The following UBR1 variants were observed in gnomAD, a reference collection of about 807,000 sequenced individuals.
UBR1 encodes the protein ubiquitin protein ligase E3 component n-recognin 1, also known as E3 ubiquitin-protein ligase UBR1.
A neutral mutation model predicts 242.1 loss-of-function variants in UBR1; 102 were observed. That is an observed-to-expected ratio of 0.42 (90% CI 0.36 to 0.50). The LOEUF (loss-of-function observed/expected upper bound fraction) is 0.50, where lower values mean the gene tolerates loss of function less well. Among genes scored for constraint, UBR1 ranks in the 20% least tolerant of loss-of-function variants. The probability of loss-of-function intolerance (pLI) is 0.01; values close to 1 mark genes in which losing one functional copy is unlikely to be tolerated. For synonymous variants in UBR1, 675 were observed against 684.8 expected (o/e 0.99, Z 0.22); for missense variants, 1,772 against 2,101.8 (o/e 0.84, Z 3.07).
chr15:43,056,303 GT>G (rs767205229), intron 11 of UBR1, 40 bp downstream of exon 11: 5 of 1,468,020 alleles, frequency 3.4e-6, no homozygotes, highest in Non-Finnish European at 3.8e-6. Context: ...AGCAAAACAA[GT>G]TTTACTTAGA....
chr15:43,008,774 C>A (rs920579576), intron 29 of UBR1, among the ~76,000 whole-genome samples: 2 of 152,202 alleles, frequency 1.3e-5, no homozygotes, highest in Non-Finnish European at 2.9e-5. Flanking sequence ...CAGCCAGACT[C>A]ACATGGAGAC....
Position 43,026,647 on chromosome 15 carries a change from C to T in UBR1, c.2449G>A (p.Gly817Ser), listed in dbSNP as rs1050248132. 6.2e-7 allele frequency: 1 copy of T among 1,612,618 alleles called. No homozygotes were observed. Among genetic ancestry groups the T allele is most frequent in the Non-Finnish European group, 8.5e-7 (1 of 1,179,594 alleles). The stretch of plus-strand genomic sequence containing the variant: ...TCTTTTAGTTCATAAACTCCATGGC[C>T]TGATACACCTGGTTTCCTAAATAGA... ...VATFKKPGVSGHGVYELKDES... is the reference protein window; with the variant it reads ...VATFKKPGVSSHGVYELKDES... The change falls in exon 23 of 47, where the codon GGC (glycine) becomes AGC (serine). Residue 817 changes from glycine (G) to serine (S), a missense_variant. By Grantham distance (56) the Gly-to-Ser change is moderately conservative (BLOSUM62 0). This residue lies in a region of UBR1 where 73 missense variants were observed against 128.9 expected (regional missense o/e 0.57). Coordinates refer to ENST00000290650, the MANE Select transcript of UBR1 (RefSeq NM_174916.3).
chr15:43,019,602 A>G lies in UBR1; in HGVS notation c.2940+1673T>C, dbSNP rs1359241197. The stretch of plus-strand genomic sequence containing the variant: ...TCAGGTTTTTTTTTTTTTTTTTTTG[A>G]GACAGAGTTTCACTCTGTCGCCCAG... On this transcript the variant is annotated intron_variant, in intron 27 of 46. Transcript: ENST00000290650. 2.6e-3 allele frequency among the ~76,000 whole-genome samples: 283 copies of G among 110,072 alleles called. 7 individuals are homozygous for G. In the East Asian group the frequency reaches 0.055, roughly 22 times the overall value. 72.2% of individuals were successfully genotyped at this position (110,072 alleles called of 152,430 possible). A position where few individuals can be genotyped will look rare whatever the true frequency, so the allele number is the denominator to read the frequency against.
In UBR1 at chr15:42,959,995, C is replaced by T. The variant is rs116057841; in HGVS notation, c.4757+650G>A. Reference sequence around the variant, plus strand: ...GATTCAAGTGAGTAAAATTAGACACCGTATACAATACCAGTCAGGCCCTCG... The same window carrying T: ...GATTCAAGTGAGTAAAATTAGACACTGTATACAATACCAGTCAGGCCCTCG... On this transcript the variant is annotated intron_variant, in intron 43 of 46. Transcript: ENST00000290650. Among the ~76,000 whole-genome samples, 414 of 152,216 alleles carry T rather than the reference C, an allele frequency of 2.7e-3. 1 individual carries two copies. Among genetic ancestry groups the T allele is most frequent in the African/African-American group, 9.5e-3 (396 of 41,522 alleles).
chr15:43,088,121 T>C (rs1253374640), intron 1 of UBR1, among the ~76,000 whole-genome samples: 1 of 152,262 alleles, frequency 6.6e-6, no homozygotes, highest in Non-Finnish European at 1.5e-5. Flanking sequence ...CATTATCTAT[T>C]TGAAATCATT....
chr15:42,986,141 T>C (rs1288099327), intron 35 of UBR1, among the ~76,000 whole-genome samples: 1 of 152,214 alleles, frequency 6.6e-6, no homozygotes, highest in African/African-American at 2.4e-5. Context: ...GAAGCATTTT[T>C]TTTCATCTTT....
rs772656971 is a variant in UBR1 at position 42,982,371 on chromosome 15, G to A, written c.4150+1526C>T. ...AGAGGTCCTAAAAACAAAGACAGGC[G>A]CATGTGACATATGGAAGGTTCTGGC... is the stretch of plus-strand genomic sequence containing the variant. On this transcript the variant is annotated intron_variant, in intron 37 of 46. Coordinates refer to ENST00000290650, the MANE Select transcript of UBR1 (RefSeq NM_174916.3). Among the ~76,000 whole-genome samples, 9 of 152,236 alleles carry A rather than the reference G, an allele frequency of 5.9e-5. No individual in the cohort carries two copies. In the East Asian group the frequency reaches 1.5e-3, roughly 26 times the overall value.
At chr15:43,017,220 A>G (rs1292746632) in intron 27 of UBR1, 39 bp from the exon 28 acceptor site, 1 of 1,417,702 alleles carries the variant, frequency 7.1e-7, no homozygotes, top group Non-Finnish European at 9.9e-7. Flanking sequence ...AGTTAGTTAG[A>G]CTGTTAGACC....
chr15:43,075,024 A>C lies in UBR1; in HGVS notation c.483T>G (p.Pro161=). The part of the protein sequence containing the change: ...CGDTEAWKTG[P]FCVNHEPGRA... ...TTCCAGGTTCATGATTTACACAAAA[A>C]GGGCCAGTTTTCCATGCCTCTGTGT... The change falls in exon 4 of 47, where the codon CCT becomes CCG. Residue 161 remains proline, a synonymous_variant. Coordinates refer to ENST00000290650, the MANE Select transcript of UBR1 (RefSeq NM_174916.3). The C allele has an allele frequency of 6.2e-7, 1 of 1,614,106 alleles. No homozygotes were observed. The highest frequency in any genetic ancestry group is 1.1e-5 in the South Asian group (1 of 91,088).
chr15:43,070,672 A>C, intron 5 of UBR1, 123 bp downstream of exon 5: 1 of 1,407,000 alleles, frequency 7.1e-7, no homozygotes. Context: ...CCCAAGAGAT[A>C]AGTCACTAAG....
chr15:43,029,919 G>C (rs1320313896), intron 21 of UBR1, 25 bp downstream of exon 21: 96 of 1,613,546 alleles, frequency 5.9e-5, no homozygotes, highest in Non-Finnish European at 8.1e-5. Context: ...GAGGTACATA[G>C]AGATAAAACC....
chr15:42,971,842 T>C (rs2141263498), intron 39 of UBR1, among the ~76,000 whole-genome samples: 1 of 152,300 alleles, frequency 6.6e-6, no homozygotes, highest in South Asian at 2.1e-4. Context: ...AAAATAAGAT[T>C]TTTATTTTTT....
At chr15:43,050,104 A>G (rs1261417050) in intron 12 of UBR1, among the ~76,000 whole-genome samples, 3 of 152,032 alleles carry the variant, frequency 2.0e-5, no homozygotes, top group Non-Finnish European at 4.4e-5. Context: ...GGCGCGTGCC[A>G]CCAAACCTGG....
At chr15:43,087,123 G>A (rs922273942) in intron 1 of UBR1, among the ~76,000 whole-genome samples, 13 of 152,000 alleles carry the variant, frequency 8.6e-5, no homozygotes, top group Non-Finnish European at 1.6e-4. Flanking sequence ...TAATAGAATC[G>A]GGCCGGGCGC....
At chr15:42,973,205 C>T (rs74843876) in intron 39 of UBR1, among the ~76,000 whole-genome samples, 1,989 of 152,188 alleles carry the variant, frequency 0.013, 38 homozygotes, top group African/African-American at 0.046. Flanking sequence ...GCTATGTTGC[C>T]CAGGGTAGTC....
rs1381831527 is a variant in UBR1, at chr15:42,945,447, G to C, written c.5132C>G (p.Ser1711Cys). The C allele has an allele frequency of 6.2e-7, 1 of 1,613,960 alleles. No homozygotes were observed. The highest frequency in any genetic ancestry group is 8.5e-7 in the Non-Finnish European group (1 of 1,180,022). ...ATGGAGCTTCCGATACCGCTCACGA[G>C]ATAAATGAAGGGGGTTGCCCCTCCT... is the stretch of plus-strand genomic sequence containing the variant. ...GLKRGNPLHLSRERYRKLHLV... is the reference protein window; with the variant it reads ...GLKRGNPLHLCRERYRKLHLV... The change falls in exon 47 of 47, where the codon TCT becomes TGT. Residue 1711 changes from serine to cysteine, a missense_variant. By Grantham distance (112) the Ser-to-Cys change is moderately radical (BLOSUM62 -1). Transcript: ENST00000290650.
At chr15:42,957,222 C>T (rs140396080) in intron 44 of UBR1, among the ~76,000 whole-genome samples, 10 of 152,146 alleles carry the variant, frequency 6.6e-5, no homozygotes, top group Middle Eastern at 3.4e-3. Context: ...ACATATGCTA[C>T]GACTCGGATA....
intron 25 of UBR1, among the ~76,000 whole-genome samples, chr15:43,023,506 G>A (rs1226295504): frequency 1.4e-5 from 2 of 145,296 alleles, no homozygotes; most frequent in South Asian, 2.1e-4. Flanking sequence ...CAGGAGAATC[G>A]CTTGAACCCA....
At chr15:43,072,966 AGC>A in intron 4 of UBR1, among the ~76,000 whole-genome samples, 1 of 152,092 alleles carries the variant, frequency 6.6e-6, no homozygotes, top group Non-Finnish European at 1.5e-5. Flanking sequence ...AGTTCGAATC[AGC>A]CTGGCCAACG....
Sources: gnomAD v4.1 joint callset for allele counts (sites outside exome capture counted in the v4.1 genomes callset) on GRCh38, gnomAD v4.1.1 for gene constraint, gnomAD v4.1.1 regional missense constraint, MANE v1.5 for transcripts, NCBI Gene and HGNC (gene_info 2026-07-23, HGNC 2026-07-21) for gene names.